CNRIP1: variants seen among roughly 807,000 people sequenced by gnomAD.
CNRIP1 encodes CB1 cannabinoid receptor-interacting protein 1.
Under a neutral mutation model 15.2 loss-of-function variants are expected in CNRIP1, and 10 were observed. That is an observed-to-expected ratio of 0.66 (90% CI 0.41 to 1.12). CNRIP1 has a LOEUF of 1.12. Among genes scored for constraint, CNRIP1 ranks in the 50% most tolerant of loss-of-function variants. The probability of loss-of-function intolerance (pLI) is 0.00; values close to 1 mark genes in which losing one functional copy is unlikely to be tolerated. For missense variants in CNRIP1, 211 were observed against 214.7 expected (o/e 0.98, Z 0.11); for synonymous variants, 91 against 83.2 (o/e 1.09, Z -0.51).
chr2:68,285,209 A>G (rs909965688), intron 2 of CNRIP1, among the ~76,000 whole-genome samples: 9 of 151,334 alleles, frequency 5.9e-5, no homozygotes, highest in African/African-American at 9.7e-5. Context: ...GCGCTGTCTC[A>G]TTTTCCCCAC....
intron 2 of CNRIP1, among the ~76,000 whole-genome samples, chr2:68,299,403 G>A (rs768131023): frequency 2.6e-5 from 4 of 152,138 alleles, no homozygotes; most frequent in Non-Finnish European, 5.9e-5. Flanking sequence ...GGAAGTATGA[G>A]GGTCATGAGG....
In CNRIP1 at chr2:68,293,805, T is replaced by G; in HGVS notation, c.*57A>C. On this transcript the variant is annotated 3_prime_UTR_variant, in exon 3 of 3. Transcript: ENST00000263655. ...ATGCCTTGTTTAAGGCCTGCGCTGG[T>G]TTATCTAAAAGTAGATTTCTGAAAA... 2 of 1,589,472 alleles carry G rather than the reference T, an allele frequency of 1.3e-6. No individual in the cohort carries two copies. Among genetic ancestry groups the G allele is most frequent in the Non-Finnish European group, 1.7e-6 (2 of 1,163,728 alleles).
At chr2:68,306,730 G>A (rs918263471) in intron 2 of CNRIP1, among the ~76,000 whole-genome samples, 9 of 151,046 alleles carry the variant, frequency 6.0e-5, no homozygotes, top group Non-Finnish European at 1.0e-4. Flanking sequence ...GCAGTGAGCC[G>A]AGATTGCACC....
intron 2 of CNRIP1, among the ~76,000 whole-genome samples, chr2:68,300,729 T>G (rs1443540044): frequency 2.0e-5 from 3 of 152,054 alleles, no homozygotes; most frequent in African/African-American, 7.2e-5. Context: ...GAAAATATCT[T>G]TAAAATTGAT....
intron 2 of CNRIP1, 30 bp from the exon 3 acceptor site, chr2:68,294,056 A>G: frequency 6.2e-7 from 1 of 1,608,162 alleles, no homozygotes; most frequent in Admixed American, 1.7e-5. Context: ...CCTGATAAAA[A>G]ACCTCATTCT....
intron 2 of CNRIP1, among the ~76,000 whole-genome samples, chr2:68,309,312 A>G (rs980185242): frequency 1.3e-5 from 2 of 152,250 alleles, no homozygotes; most frequent in African/African-American, 2.4e-5. Flanking sequence ...TAGTCACTCA[A>G]TAAAACCCCC....
chr2:68,286,823 T>TA (rs1188815386), intron 2 of CNRIP1, among the ~76,000 whole-genome samples: 2 of 152,218 alleles, frequency 1.3e-5, no homozygotes, highest in African/African-American at 4.8e-5. Flanking sequence ...TCACAATAGC[T>TA]ATATGACCTT....
intron 2 of CNRIP1, chr2:68,316,366 G>C (rs1340166811): frequency 6.6e-6 from 1 of 152,166 alleles, no homozygotes; most frequent in African/African-American, 2.4e-5. Context: ...TAAAGCTAGA[G>C]GGCAGACAGT....
At chr2:68,286,317 AACAC>A (rs3039882) in intron 2 of CNRIP1, among the ~76,000 whole-genome samples, 49,331 of 149,292 alleles carry the variant, frequency 0.33, 8,364 homozygotes, top group Middle Eastern at 0.44. Context: ...GGACCTTACG[AACAC>A]ACACACACAC....
chr2:68,319,213 C>T lies in CNRIP1; in HGVS notation c.179+9G>A, dbSNP rs1356206661. 16 of 1,538,862 alleles carry T rather than the reference C, an allele frequency of 1.0e-5. No homozygotes were observed. The highest frequency in any genetic ancestry group is 4.1e-5 in the African/African-American group (3 of 72,690). Reference sequence around the variant, plus strand: ...GGGACCCTGCTGCCACCAGGCGCCCCGCACTCACTCGACCTGCAGCGTGCT... The same window carrying T: ...GGGACCCTGCTGCCACCAGGCGCCCTGCACTCACTCGACCTGCAGCGTGCT... On this transcript the variant is annotated intron_variant, in intron 1 of 2. Transcript: ENST00000263655.
intron 2 of CNRIP1, among the ~76,000 whole-genome samples, chr2:68,287,049 A>G (rs1239822692): frequency 1.3e-5 from 2 of 152,206 alleles, no homozygotes; most frequent in Non-Finnish European, 2.9e-5. Flanking sequence ...TAGGTCAGTC[A>G]TAATTTATCT....
intron 2 of CNRIP1, among the ~76,000 whole-genome samples, chr2:68,297,567 C>CAAAAAAAAAAAAA (rs112601365): frequency 8.1e-5 from 8 of 98,860 alleles, no homozygotes; most frequent in Non-Finnish European, 1.1e-4. Context: ...GACACTGTCT[C>CAAAAAAAAAAAAA]AAAAAAAAAA....
chr2:68,319,298 T>C lies in CNRIP1; in HGVS notation c.103A>G (p.Asn35Asp), dbSNP rs1672401625. 6.4e-7 allele frequency: 1 copy of C among 1,553,372 alleles called. No homozygotes were observed. Among genetic ancestry groups the C allele is most frequent in the Non-Finnish European group, 8.7e-7 (1 of 1,148,378 alleles). Residue 35 changes from asparagine to aspartate, a missense_variant, in exon 1 of 3, where the codon AAC becomes GAC. Coordinates refer to ENST00000263655, the MANE Select transcript of CNRIP1 (RefSeq NM_015463.3). ...YKVDGQRFGQNRTIKLLTGSS... is the reference protein window; with the variant it reads ...YKVDGQRFGQDRTIKLLTGSS... ...CCGGTGAGCAGCTTGATGGTGCGGT[T>C]CTGGCCGAAGCGCTGCCCGTCCACC...
At position 68,293,876 on chromosome 2, in the gene CNRIP1, C is replaced by T. The variant is rs1400857063; in HGVS notation, c.481G>A (p.Glu161Lys). 4.3e-6 allele frequency: 7 copies of T among 1,613,584 alleles called. No homozygotes were observed. In the South Asian group the frequency reaches 4.4e-5, roughly 10 times the overall value. The stretch of plus-strand genomic sequence containing the variant: ...AAGAGCCACTTTCAGAGGAAGGACT[C>T]CTTGTTCACCCACATCAGACTGCGT... ...ETRSLMWVNK[E>K]SFL The change falls in exon 3 of 3, where the codon GAG (glutamate) becomes AAG (lysine). Residue 161 changes from glutamate (E) to lysine (K), a missense_variant. Glu to Lys is a moderately conservative substitution (Grantham distance 56). Transcript: ENST00000263655.
intron 2 of CNRIP1, among the ~76,000 whole-genome samples, chr2:68,303,015 T>A (rs1281359725): frequency 6.6e-6 from 1 of 151,630 alleles, no homozygotes; most frequent in African/African-American, 2.4e-5. Context: ...GCCCGGCTAA[T>A]TTTTTGTATT....
chr2:68,301,017 G>A (rs1444371752), intron 2 of CNRIP1, among the ~76,000 whole-genome samples: 1 of 152,170 alleles, frequency 6.6e-6, no homozygotes. Flanking sequence ...AATTCTTTCA[G>A]ACAGCAGACA....
chr2:68,284,609 C>A, intron 2 of CNRIP1: 1 of 515,320 alleles, frequency 1.9e-6, no homozygotes, highest in Non-Finnish European at 3.4e-6. Flanking sequence ...GTCAGGAGTT[C>A]GAGACCAGCT....
chr2:68,294,451 T>C (rs537856656), intron 2 of CNRIP1, among the ~76,000 whole-genome samples: 1 of 152,112 alleles, frequency 6.6e-6, no homozygotes, highest in African/African-American at 2.4e-5. Flanking sequence ...AAGCCAGGGG[T>C]TCCAGAATAG....
chr2:68,317,016 C>T, intron 2 of CNRIP1, 141 bp downstream of exon 2: 5 of 1,030,628 alleles, frequency 4.9e-6, no homozygotes, highest in Admixed American at 3.4e-5. Flanking sequence ...CCAGCAGATG[C>T]TTGAAGGAAA....
Sources: gnomAD v4.1 joint callset for allele counts (sites outside exome capture counted in the v4.1 genomes callset) on GRCh38, gnomAD v4.1.1 for gene constraint, MANE v1.5 for transcripts, NCBI Gene and HGNC (gene_info 2026-07-23, HGNC 2026-07-21) for gene names.